Variants in MELK observed in about 807,000 individuals in gnomAD.
MELK encodes the protein pEg3 kinase.
A neutral mutation model predicts 85.0 loss-of-function variants in MELK; 81 were observed. The observed-to-expected ratio is 0.95, with a 90% CI of 0.80 to 1.15. The LOEUF (loss-of-function observed/expected upper bound fraction) is 1.15. Ranked by LOEUF, MELK falls within the 50% of genes most tolerant of loss-of-function variation. The pLI, the probability that MELK is intolerant of heterozygous loss-of-function variation, is 0.00. For missense variants in MELK, 754 were observed against 777.5 expected (o/e 0.97, Z 0.36); for synonymous variants, 252 against 265.0 (o/e 0.95, Z 0.48).
chr9:36,577,377 GTGT>G (rs1406314434), intron 1 of MELK, among the ~76,000 whole-genome samples: 2 of 152,146 alleles, frequency 1.3e-5, no homozygotes, highest in South Asian at 2.1e-4. Flanking sequence ...GCCGGGTATG[GTGT>G]TGTTGTTCGC....
chr9:36,614,621 T>C (rs1826391941), intron 8 of MELK, among the ~76,000 whole-genome samples: 2 of 116,390 alleles, frequency 1.7e-5, no homozygotes, highest in African/African-American at 3.6e-5. Flanking sequence ...TACTTGAGAT[T>C]AGGGATTGGT....
intron 3 of MELK, among the ~76,000 whole-genome samples, chr9:36,587,777 T>G (rs1823084149): frequency 6.6e-6 from 1 of 150,806 alleles, no homozygotes; most frequent in Non-Finnish European, 1.5e-5. Flanking sequence ...TGTATTTTTT[T>G]TTTTTTTAAT....
At chr9:36,581,506 C>T in intron 1 of MELK, 138 bp from the exon 2 acceptor site, 1 of 506,516 alleles carries the variant, frequency 2.0e-6, no homozygotes, top group Non-Finnish European at 3.5e-6. Context: ...GATAAGAATC[C>T]TTTTTTTCAT....
intron 10 of MELK, among the ~76,000 whole-genome samples, chr9:36,637,184 T>C (rs933224131): frequency 6.6e-6 from 1 of 152,100 alleles, no homozygotes. Context: ...CTCTAGCATT[T>C]TTCAAGCTTC....
At chr9:36,650,261 A>G (rs1353478478) in intron 11 of MELK, among the ~76,000 whole-genome samples, 1 of 13,464 alleles carries the variant, frequency 7.4e-5, no homozygotes, top group Non-Finnish European at 7.5e-4. Flanking sequence ...ATTAAAAATT[A>G]AAAAAAAAAT....
chr9:36,657,112 C>A, intron 12 of MELK, 129 bp from the exon 13 acceptor site: 1 of 1,069,910 alleles, frequency 9.3e-7, no homozygotes, highest in Non-Finnish European at 1.3e-6. Flanking sequence ...TTATGATGTT[C>A]ACACAGTGAT....
chr9:36,575,946 G>C (rs1293756459), intron 1 of MELK, among the ~76,000 whole-genome samples: 1 of 152,080 alleles, frequency 6.6e-6, no homozygotes, highest in Non-Finnish European at 1.5e-5. Context: ...CTGAGCCTTA[G>C]GTTGACCTCT....
At chr9:36,647,634 G>A (rs376062029) in intron 11 of MELK, among the ~76,000 whole-genome samples, 5 of 151,742 alleles carry the variant, frequency 3.3e-5, no homozygotes, top group African/African-American at 7.3e-5. Flanking sequence ...GATTACAGGC[G>A]CCTGCCACCA....
intron 11 of MELK, among the ~76,000 whole-genome samples, chr9:36,644,436 G>T (rs1343368617): frequency 6.6e-6 from 1 of 152,080 alleles, no homozygotes; most frequent in African/African-American, 2.4e-5. Flanking sequence ...CTTTGCTAAG[G>T]CACAATTCTT....
intron 3 of MELK, among the ~76,000 whole-genome samples, chr9:36,587,617 C>G (rs937852591): frequency 1.3e-5 from 2 of 149,930 alleles, no homozygotes; most frequent in Admixed American, 6.7e-5. Context: ...AGAGCCCCCC[C>G]GCCTTTTTTT....
chr9:36,575,917 A>G (rs145974253), intron 1 of MELK, among the ~76,000 whole-genome samples: 10 of 152,218 alleles, frequency 6.6e-5, no homozygotes, highest in Non-Finnish European at 1.3e-4. Context: ...TTTCTTCTGT[A>G]TCAGGATTCC....
Position 36,671,183 on chromosome 9 carries a change from TC to T in MELK, c.1674+18del, listed in dbSNP as rs1434533637. On this transcript the variant is annotated intron_variant, in intron 16 of 17. Coordinates refer to ENST00000298048, the MANE Select transcript of MELK (RefSeq NM_014791.4). The stretch of plus-strand genomic sequence containing the variant: ...AGACTAAAGGTAAGCAGGCTGGAAT[TC>T]TTTCATATGGAGCAGAAGCTGACTG... The T allele has an allele frequency of 1.3e-6, 2 of 1,550,492 alleles. No homozygotes were observed. Among genetic ancestry groups the T allele is most frequent in the African/African-American group, 2.8e-5 (2 of 72,028 alleles).
chr9:36,677,514 T>A lies in MELK; in HGVS notation c.*177T>A. The stretch of plus-strand genomic sequence containing the variant: ...AAAGATATTATTTTGTGTATGAATC[T>A]AAATCAAGCCCATCTGTCATTATGT... On this transcript the variant is annotated 3_prime_UTR_variant, in exon 18 of 18. Transcript: ENST00000298048. 1.9e-6 allele frequency: 1 copy of A among 517,664 alleles called. No homozygotes were observed. The highest frequency in any genetic ancestry group is 3.2e-6 in the Non-Finnish European group (1 of 310,992). 32.1% of individuals were successfully genotyped at this position (517,664 alleles called of 1,614,324 possible).
At chr9:36,625,817 A>C (rs1267562564) in intron 8 of MELK, among the ~76,000 whole-genome samples, 1 of 152,010 alleles carries the variant, frequency 6.6e-6, no homozygotes, top group Non-Finnish European at 1.5e-5. Context: ...GCTACTCAGT[A>C]GGCTGAGGCA....
At chr9:36,576,090 G>C (rs963494513) in intron 1 of MELK, among the ~76,000 whole-genome samples, 1 of 152,150 alleles carries the variant, frequency 6.6e-6, no homozygotes, top group Non-Finnish European at 1.5e-5. Flanking sequence ...CTGAATTAGT[G>C]TTGCTGTTTA....
chr9:36,587,915 C>T (rs1430278431), intron 3 of MELK, among the ~76,000 whole-genome samples: 1 of 151,972 alleles, frequency 6.6e-6, no homozygotes, highest in Non-Finnish European at 1.5e-5. Context: ...GCACCCGCCA[C>T]CATGCCTGGC....
intron 8 of MELK, among the ~76,000 whole-genome samples, chr9:36,627,265 C>T (rs1418316803): frequency 6.6e-6 from 1 of 151,978 alleles, no homozygotes; most frequent in Non-Finnish European, 1.5e-5. Flanking sequence ...ACTCAGAGTC[C>T]TAAGATGTTA....
At chr9:36,618,843 C>T (rs1033421173) in intron 8 of MELK, among the ~76,000 whole-genome samples, 2 of 151,948 alleles carry the variant, frequency 1.3e-5, no homozygotes, top group African/African-American at 2.4e-5. Context: ...GTACTAGTGC[C>T]GATCCATGTA....
At chr9:36,669,168 A>G (rs1238356924) in intron 14 of MELK, 142 bp from the exon 15 acceptor site, 5 of 441,316 alleles carry the variant, frequency 1.1e-5, no homozygotes, top group Non-Finnish European at 1.9e-5. Flanking sequence ...TGAAAGAATT[A>G]GAGCCTTCGA....
Sources: gnomAD v4.1 joint callset for allele counts (sites outside exome capture counted in the v4.1 genomes callset) on GRCh38, gnomAD v4.1.1 for gene constraint, MANE v1.5 for transcripts, NCBI Gene and HGNC (gene_info 2026-07-23, HGNC 2026-07-21) for gene names.